Variants in CAMKMT observed in about 807,000 individuals in gnomAD.
CAMKMT encodes the protein CaM KMT.
A neutral mutation model predicts 48.0 loss-of-function variants in CAMKMT; 53 were observed. The observed-to-expected ratio is 1.10, with a 90% CI of 0.89 to 1.39. CAMKMT has a LOEUF of 1.39. Ranked by LOEUF, CAMKMT falls within the 40% of genes most tolerant of loss-of-function variation. CAMKMT has a pLI of 0.00. For synonymous variants in CAMKMT, 165 were observed against 152.3 expected (o/e 1.08, Z -0.61); for missense variants, 428 against 402.7 (o/e 1.06, Z -0.54).
intron 3 of CAMKMT, among the ~76,000 whole-genome samples, chr2:44,449,800 G>T (rs1312674279): frequency 2.0e-5 from 3 of 152,066 alleles, no homozygotes; most frequent in Admixed American, 1.3e-4. Context: ...GATATTTTAC[G>T]TTCCTTAGTA....
At chr2:44,659,131 A>G (rs1369978644) in intron 3 of CAMKMT, among the ~76,000 whole-genome samples, 3 of 148,940 alleles carry the variant, frequency 2.0e-5, no homozygotes, top group Non-Finnish European at 4.4e-5. Context: ...ATTTAGAAAA[A>G]GTAGGTGAGG....
intron 3 of CAMKMT, among the ~76,000 whole-genome samples, chr2:44,423,473 C>T (rs955016560): frequency 1.3e-5 from 2 of 152,174 alleles, no homozygotes; most frequent in Non-Finnish European, 2.9e-5. Flanking sequence ...CATGAGCCAT[C>T]GCGCTGGGCC....
At chr2:44,491,262 G>GGGAT (rs1669488514) in intron 3 of CAMKMT, among the ~76,000 whole-genome samples, 1 of 152,220 alleles carries the variant, frequency 6.6e-6, no homozygotes, top group South Asian at 2.1e-4. Context: ...ATGGCTGGAG[G>GGGAT]GGATAGAAGA....
At chr2:44,371,062 G>A (rs974603992) in intron 1 of CAMKMT, among the ~76,000 whole-genome samples, 1 of 152,160 alleles carries the variant, frequency 6.6e-6, no homozygotes, top group Non-Finnish European at 1.5e-5. Flanking sequence ...TCGGCTTACT[G>A]CAACCTCTGC....
chr2:44,468,128 A>G (rs762976981), intron 3 of CAMKMT, among the ~76,000 whole-genome samples: 3 of 152,228 alleles, frequency 2.0e-5, no homozygotes, highest in Non-Finnish European at 2.9e-5. Context: ...TATCCAGAAT[A>G]TACAAGGAAC....
chr2:44,682,770 T>C (rs967957455), intron 3 of CAMKMT, among the ~76,000 whole-genome samples: 5 of 152,202 alleles, frequency 3.3e-5, no homozygotes, highest in African/African-American at 9.6e-5. Flanking sequence ...AAAATTACAT[T>C]TCTCAACACT....
chr2:44,596,150 G>T (rs1297477206), intron 3 of CAMKMT, among the ~76,000 whole-genome samples: 1 of 150,940 alleles, frequency 6.6e-6, no homozygotes, highest in Admixed American at 6.6e-5. Context: ...AAAAAAGAAA[G>T]AAAAAGACGA....
At position 44,596,141 on chromosome 2, in the gene CAMKMT, A is replaced by G. The variant is rs183311206; in HGVS notation, c.377-108142A>G. On this transcript the variant is annotated intron_variant, in intron 3 of 10. Coordinates refer to ENST00000378494, the MANE Select transcript of CAMKMT (RefSeq NM_024766.5). ...CCCAGAACTTATAATTTAAAAAAAA[A>G]AAAAGAAAGAAAAAGACGAATTCTT... is the stretch of plus-strand genomic sequence containing the variant. 2.4e-3 allele frequency among the ~76,000 whole-genome samples: 365 copies of G among 152,170 alleles called. 1 individual carries two copies. Among genetic ancestry groups the G allele is most frequent in the Non-Finnish European group, 4.0e-3 (271 of 67,998 alleles).
intron 3 of CAMKMT, among the ~76,000 whole-genome samples, chr2:44,656,604 T>C (rs1049484643): frequency 2.0e-5 from 3 of 152,158 alleles, no homozygotes; most frequent in African/African-American, 7.2e-5. Context: ...TTCTCCCTTC[T>C]CCATTCCACT....
At chr2:44,639,603 C>T (rs1673333708) in intron 3 of CAMKMT, among the ~76,000 whole-genome samples, 1 of 152,182 alleles carries the variant, frequency 6.6e-6, no homozygotes, top group South Asian at 2.1e-4. Flanking sequence ...TGGGAAAGCA[C>T]TATACAAGTG....
At chr2:44,413,000 C>T (rs1052888272) in intron 3 of CAMKMT, among the ~76,000 whole-genome samples, 6 of 151,652 alleles carry the variant, frequency 4.0e-5, no homozygotes, top group East Asian at 2.0e-4. Context: ...GGCTTGAACC[C>T]GGGAAGCAGA....
At chr2:44,707,276 T>C in intron 5 of CAMKMT, 123 bp from the exon 6 acceptor site, 1 of 756,134 alleles carries the variant, frequency 1.3e-6, no homozygotes, top group Non-Finnish European at 2.2e-6. Context: ...GAAAAAAGAT[T>C]GAAGATTGTT....
chr2:44,447,774 C>A (rs543433681), intron 3 of CAMKMT, among the ~76,000 whole-genome samples: 6 of 152,156 alleles, frequency 3.9e-5, no homozygotes, highest in Non-Finnish European at 8.8e-5. Context: ...TAGGTAGGGG[C>A]AGCAAATATT....
At chr2:44,468,509 A>G (rs1668245222) in intron 3 of CAMKMT, among the ~76,000 whole-genome samples, 1 of 152,218 alleles carries the variant, frequency 6.6e-6, no homozygotes, top group African/African-American at 2.4e-5. Context: ...GTATATATCC[A>G]AAGTAATTGA....
chr2:44,571,261 GTGTT>G (rs1668883688), intron 3 of CAMKMT, among the ~76,000 whole-genome samples: 1 of 152,154 alleles, frequency 6.6e-6, no homozygotes, highest in Non-Finnish European at 1.5e-5. Flanking sequence ...GGGTTTTGTT[GTGTT>G]TGTTTTCCAC....
rs36097066 is a variant in CAMKMT at position 44,574,633 on chromosome 2, A to AT, written c.377-129638dup. On this transcript the variant is annotated intron_variant, in intron 3 of 10. Coordinates refer to ENST00000378494, the MANE Select transcript of CAMKMT (RefSeq NM_024766.5). ...GAAAAAAAAGTCAAAACAAGCTATG[A>AT]TTTTTTTTTTTTGACTGAGGTTGCG... 3.9e-4 allele frequency among the ~76,000 whole-genome samples: 58 copies of AT among 149,604 alleles called. No homozygotes were observed. In the East Asian group the frequency reaches 4.1e-3, roughly 11 times the overall value.
At chr2:44,587,067 A>G (rs952749364) in intron 3 of CAMKMT, among the ~76,000 whole-genome samples, 1 of 152,242 alleles carries the variant, frequency 6.6e-6, no homozygotes, top group African/African-American at 2.4e-5. Flanking sequence ...TTTGTCATCT[A>G]TGTATCTTCT....
intron 3 of CAMKMT, among the ~76,000 whole-genome samples, chr2:44,415,114 G>A (rs140892373): frequency 0.048 from 7,302 of 152,230 alleles, 536 homozygotes; most frequent in African/African-American, 0.17. Context: ...TGGCGCCACT[G>A]CACTCCAGCC....
intron 3 of CAMKMT, among the ~76,000 whole-genome samples, chr2:44,659,176 G>T (rs1965789): frequency 0.64 from 96,369 of 149,484 alleles, 31,512 homozygotes; most frequent in Middle Eastern, 0.72. Flanking sequence ...AACCCCAACA[G>T]TTTCAAGGCC....
Sources: allele counts gnomAD v4.1 joint callset (sites outside exome capture counted in the v4.1 genomes callset), GRCh38; gene constraint gnomAD v4.1.1; transcripts MANE v1.5; gene names NCBI Gene and HGNC (gene_info 2026-07-23, HGNC 2026-07-21).